The following UNC5D variants were observed in gnomAD, a reference collection of about 807,000 sequenced individuals.
The protein encoded by UNC5D is netrin receptor UNC5D.
A neutral mutation model predicts 105.4 loss-of-function variants in UNC5D; 39 were observed. That is an observed-to-expected ratio of 0.37 (90% CI 0.29 to 0.48). The LOEUF (loss-of-function observed/expected upper bound fraction) is 0.48. Among genes scored for constraint, UNC5D ranks in the 20% least tolerant of loss-of-function variants. UNC5D has a pLI of 0.98. For missense variants in UNC5D, 991 were observed against 1,202.4 expected (o/e 0.82, Z 2.60); for synonymous variants, 452 against 450.4 (o/e 1.00, Z -0.04).
chr8:35,739,581 A>C (rs1205842774), intron 11 of UNC5D, among the ~76,000 whole-genome samples: 1 of 152,224 alleles, frequency 6.6e-6, no homozygotes, highest in Non-Finnish European at 1.5e-5. Context: ...TTGACAAGAT[A>C]ACAATGGTTT....
At chr8:35,736,600 T>C (rs552743882) in intron 11 of UNC5D, among the ~76,000 whole-genome samples, 35 of 152,320 alleles carry the variant, frequency 2.3e-4, no homozygotes, top group African/African-American at 8.4e-4. Context: ...GTTCTTTAAA[T>C]GAATGATCAT....
chr8:35,553,850 C>G (rs990006961), intron 2 of UNC5D, among the ~76,000 whole-genome samples: 49 of 152,122 alleles, frequency 3.2e-4, no homozygotes, highest in African/African-American at 1.2e-3. Flanking sequence ...TGGCTTTTGA[C>G]TGGATTCGTA....
chr8:35,475,970 A>G (rs1810063549), intron 1 of UNC5D, among the ~76,000 whole-genome samples: 1 of 152,310 alleles, frequency 6.6e-6, no homozygotes, highest in South Asian at 2.1e-4. Context: ...GGTCTGAAAT[A>G]AACAGTGAAG....
At chr8:35,769,790 C>T (rs1457319068) in intron 15 of UNC5D, among the ~76,000 whole-genome samples, 4 of 152,022 alleles carry the variant, frequency 2.6e-5, no homozygotes, top group African/African-American at 4.8e-5. Flanking sequence ...CATGAAACCC[C>T]GTCTCTACTA....
In UNC5D at chr8:35,721,595, C is replaced by A. The variant is rs1828587535; in HGVS notation, c.1118-615C>A. 2.2e-5 allele frequency: 15 copies of A among 681,602 alleles called. No homozygotes were observed. The South Asian group carries it at 2.3e-4, about 11-fold the overall frequency. The allele number at this position is 681,602 out of a possible 1,614,324, so 42.2% of individuals were successfully genotyped here. ...GACTTAACAGCACCTGGGACCAAGACCTTCATATCCCACAATAAAATTCTC... is the reference window on the plus strand; with the variant it reads ...GACTTAACAGCACCTGGGACCAAGAACTTCATATCCCACAATAAAATTCTC... On this transcript the variant is annotated intron_variant, in intron 8 of 16. Coordinates refer to ENST00000404895, the MANE Select transcript of UNC5D (RefSeq NM_080872.4).
chr8:35,491,398 G>A (rs1811208193), intron 1 of UNC5D, among the ~76,000 whole-genome samples: 2 of 152,200 alleles, frequency 1.3e-5, no homozygotes, highest in East Asian at 3.9e-4. Context: ...GCCAATGGGT[G>A]ATAAATTAGA....
chr8:35,649,920 A>T (rs1823296705), intron 4 of UNC5D, among the ~76,000 whole-genome samples: 1 of 152,164 alleles, frequency 6.6e-6, no homozygotes, highest in Non-Finnish European at 1.5e-5. Context: ...CCATCCTGGA[A>T]CAGAAAAAAG....
At chr8:35,548,772 G>C (rs550043319) in intron 1 of UNC5D, among the ~76,000 whole-genome samples, 3 of 152,278 alleles carry the variant, frequency 2.0e-5, no homozygotes, top group African/African-American at 7.2e-5. Context: ...CAAGACGATT[G>C]CCAGACAATC....
chr8:35,329,224 G>A (rs886642581), intron 1 of UNC5D, among the ~76,000 whole-genome samples: 1 of 151,936 alleles, frequency 6.6e-6, no homozygotes, highest in Non-Finnish European at 1.5e-5. Context: ...TTTGATTTTG[G>A]AATTGTCCAC....
intron 4 of UNC5D, among the ~76,000 whole-genome samples, chr8:35,603,837 T>C (rs1820067953): frequency 6.6e-6 from 1 of 152,136 alleles, no homozygotes; most frequent in Admixed American, 6.5e-5. Context: ...TGGTTTAAAG[T>C]CTGTTTTATC....
chr8:35,594,253 G>A (rs996458089), intron 3 of UNC5D, among the ~76,000 whole-genome samples: 5 of 152,192 alleles, frequency 3.3e-5, no homozygotes, highest in African/African-American at 1.2e-4. Context: ...GGGAGGGAAA[G>A]CATTAAGAGT....
chr8:35,482,847 G>A (rs547541627), intron 1 of UNC5D, among the ~76,000 whole-genome samples: 320 of 118,694 alleles, frequency 2.7e-3, no homozygotes, highest in Non-Finnish European at 4.3e-3. Flanking sequence ...TCGTCCCCCA[G>A]GCTGGAGAGT....
intron 7 of UNC5D, among the ~76,000 whole-genome samples, chr8:35,702,926 T>C (rs929475288): frequency 3.3e-5 from 5 of 152,076 alleles, no homozygotes; most frequent in Non-Finnish European, 5.9e-5. Context: ...AAGTGGCCGT[T>C]TGAATAATTT....
intron 4 of UNC5D, among the ~76,000 whole-genome samples, chr8:35,602,339 T>C (rs1001379478): frequency 7.9e-5 from 12 of 152,146 alleles, no homozygotes; most frequent in African/African-American, 2.4e-4. Context: ...GATTCCCTCT[T>C]TTTTCTATTG....
At chr8:35,510,907 C>A (rs1002330661) in intron 1 of UNC5D, among the ~76,000 whole-genome samples, 1 of 152,258 alleles carries the variant, frequency 6.6e-6, no homozygotes, top group Admixed American at 6.5e-5. Flanking sequence ...TTGACAGGAA[C>A]AAATGTACAG....
intron 1 of UNC5D, among the ~76,000 whole-genome samples, chr8:35,238,922 G>A (rs1802633939): frequency 1.3e-5 from 2 of 152,040 alleles, no homozygotes; most frequent in South Asian, 4.2e-4. Flanking sequence ...ATGTTGTGAG[G>A]CCACCCTCTT....
intron 1 of UNC5D, among the ~76,000 whole-genome samples, chr8:35,411,281 AT>A (rs1232816031): frequency 3.3e-5 from 5 of 152,012 alleles, no homozygotes; most frequent in African/African-American, 1.2e-4. Flanking sequence ...CCCTCCTGAG[AT>A]TTGCAAATTG....
At chr8:35,667,644 T>C (rs1022342841) in intron 4 of UNC5D, among the ~76,000 whole-genome samples, 5 of 152,176 alleles carry the variant, frequency 3.3e-5, no homozygotes, top group African/African-American at 1.2e-4. Flanking sequence ...TCACCAAAAA[T>C]TTTAAATAAC....
At chr8:35,529,824 G>A (rs1313240005) in intron 1 of UNC5D, among the ~76,000 whole-genome samples, 1 of 145,480 alleles carries the variant, frequency 6.9e-6, no homozygotes, top group Non-Finnish European at 1.5e-5. Flanking sequence ...GTGAATGGGA[G>A]TTCACTCATG....
Sources: allele counts gnomAD v4.1 joint callset (sites outside exome capture counted in the v4.1 genomes callset), GRCh38; gene constraint gnomAD v4.1.1; transcripts MANE v1.5; gene names NCBI Gene and HGNC (gene_info 2026-07-23, HGNC 2026-07-21).